The following VPS53 variants were observed in gnomAD, a reference collection of about 807,000 sequenced individuals.
The protein encoded by VPS53 is vacuolar protein sorting-associated protein 53 homolog.
A neutral mutation model predicts 107.0 loss-of-function variants in VPS53; 70 were observed. The ratio of observed to expected loss-of-function variants is 0.65; its 90% CI spans 0.54 to 0.80. VPS53 has a LOEUF of 0.80. Ranked by LOEUF, VPS53 falls within the 30% of genes least tolerant of loss-of-function variation. The pLI is 0.00. For synonymous variants in VPS53, 409 were observed against 393.3 expected (o/e 1.04, Z -0.47); for missense variants, 917 against 1,049.4 (o/e 0.87, Z 1.74).
intron 11 of VPS53, chr17:615,855 C>T (rs971274471): frequency 5.3e-5 from 8 of 152,238 alleles, no homozygotes; most frequent in Non-Finnish European, 1.2e-4. Flanking sequence ...AACTCCTGGC[C>T]TTGCCCAGGC....
At chr17:554,978 GAATAAGAGAGTTATTTAGTGAACA>G (rs1436724913) in intron 15 of VPS53, among the ~76,000 whole-genome samples, 3 of 152,146 alleles carry the variant, frequency 2.0e-5, no homozygotes, top group Non-Finnish European at 4.4e-5. Flanking sequence ...CTGTGTAACA[GAATAAGAGAGTTATTTAGTGAACA>G]AAACAGATCA....
rs1567594617 is a variant in VPS53 at position 519,780 on chromosome 17, G to A, written c.2328+46C>T. ...CCAATTCCCGGTTAAGAACCGCTGA[G>A]TGTGAGGGGGATGAGCAGGTGTGGA... On this transcript the variant is annotated intron_variant, in intron 21 of 21. Coordinates refer to ENST00000437048, the MANE Select transcript of VPS53 (RefSeq NM_001128159.3). The surrounding 1 kb of genome is among the most constrained non-coding windows in gnomAD (Gnocchi z 5.0). The A allele has an allele frequency of 7.3e-7, 1 of 1,363,904 alleles. No individual in the cohort carries two copies. The highest frequency in any genetic ancestry group is 1.2e-5 in the South Asian group (1 of 80,092). The allele number at this position is 1,363,904 out of a possible 1,614,324, so 84.5% of individuals were successfully genotyped here.
At chr17:534,489 G>T (rs1909864883) in intron 18 of VPS53, among the ~76,000 whole-genome samples, 3 of 152,210 alleles carry the variant, frequency 2.0e-5, no homozygotes, top group African/African-American at 4.8e-5. Flanking sequence ...GATCAGGAAG[G>T]AGAGTAAACA....
At chr17:662,237 CA>C (rs1245113566) in intron 4 of VPS53, among the ~76,000 whole-genome samples, 2 of 152,118 alleles carry the variant, frequency 1.3e-5, no homozygotes, top group Admixed American at 1.3e-4. Flanking sequence ...CACAGAGGGA[CA>C]GGGGTAGCTC....
intron 8 of VPS53, among the ~76,000 whole-genome samples, chr17:630,900 C>G (rs184174926): frequency 6.6e-6 from 1 of 152,146 alleles, no homozygotes; most frequent in Admixed American, 6.5e-5. Context: ...CTTTCCTGTC[C>G]GACACATGCT....
chr17:699,432 C>A, intron 2 of VPS53, 52 bp from the exon 3 acceptor site: 2 of 1,438,562 alleles, frequency 1.4e-6, no homozygotes, highest in Non-Finnish European at 9.3e-7. Flanking sequence ...CCTGGAATTC[C>A]TCTTTCACAG....
In VPS53 at chr17:576,753, G is replaced by A. The variant is rs146779622; in HGVS notation, c.1313+9517C>T. 5.4e-3 allele frequency among the ~76,000 whole-genome samples: 707 copies of A among 131,106 alleles called. 5 individuals are homozygous for A. The highest frequency in any genetic ancestry group is 8.8e-3 in the Admixed American group (115 of 13,044). The allele number at this position is 131,106 out of a possible 152,430, so 86.0% of individuals were successfully genotyped here. On this transcript the variant is annotated intron_variant, in intron 13 of 21. Transcript: ENST00000437048. ...CAGAACCTCCCTCAGAACCCAATAC[G>A]TGCCCAGAGAACCTCCCTCAGAACC... is the stretch of plus-strand genomic sequence containing the variant.
intron 4 of VPS53, among the ~76,000 whole-genome samples, chr17:667,745 G>A (rs542658373): frequency 6.6e-6 from 1 of 152,156 alleles, no homozygotes; most frequent in Admixed American, 6.5e-5. Flanking sequence ...CCAAGCCCTG[G>A]GCCGTGGGCC....
intron 11 of VPS53, among the ~76,000 whole-genome samples, chr17:609,027 G>C (rs188443430): frequency 2.6e-4 from 39 of 152,072 alleles, no homozygotes; most frequent in Non-Finnish European, 8.8e-5. Context: ...TGTAATTCAT[G>C]TCACATAAAA....
At chr17:672,390 T>C (rs1049258598) in intron 4 of VPS53, among the ~76,000 whole-genome samples, 2 of 151,884 alleles carry the variant, frequency 1.3e-5, no homozygotes, top group Admixed American at 6.6e-5. Flanking sequence ...ACCAAGAGAG[T>C]CTTGAATGAG....
intron 4 of VPS53, among the ~76,000 whole-genome samples, chr17:681,436 A>T (rs981926066): frequency 1.3e-5 from 2 of 152,176 alleles, no homozygotes; most frequent in South Asian, 4.1e-4. Flanking sequence ...CGCCCGGCCT[A>T]CAAAACAAAT....
At chr17:698,548 T>C (rs1205932245) in intron 3 of VPS53, among the ~76,000 whole-genome samples, 1 of 151,040 alleles carries the variant, frequency 6.6e-6, no homozygotes, top group Non-Finnish European at 1.5e-5. Context: ...CTACAAAAAA[T>C]ATAAACATTA....
intron 13 of VPS53, among the ~76,000 whole-genome samples, chr17:573,994 A>G (rs1276253940): frequency 6.6e-6 from 1 of 152,164 alleles, no homozygotes; most frequent in Admixed American, 6.5e-5. Context: ...CATGATATGG[A>G]TTTTTTTGAC....
In VPS53 at chr17:515,957, T is replaced by C. The variant is rs1908278708; in HGVS notation, c.*3171A>G. On this transcript the variant is annotated 3_prime_UTR_variant, in exon 22 of 22. Transcript: ENST00000437048. The stretch of plus-strand genomic sequence containing the variant: ...TTACAGGCACCCGCCACCTGCCTGC[T>C]TTTTTTTTTTTTTTTTTTGTATTTT... The C allele has an allele frequency of 2.4e-5, 1 of 40,912 alleles. No individual in the cohort carries two copies. Among genetic ancestry groups the C allele is most frequent in the Non-Finnish European group, 3.8e-5 (1 of 26,422 alleles). The allele number at this position is 40,912 out of a possible 1,614,324, so 2.5% of individuals were successfully genotyped here.
At chr17:671,418 A>T (rs1339891371) in intron 4 of VPS53, among the ~76,000 whole-genome samples, 1 of 152,176 alleles carries the variant, frequency 6.6e-6, no homozygotes, top group Non-Finnish European at 1.5e-5. Context: ...ATGAGTTACA[A>T]GCAAGGGATT....
chr17:546,896 A>G (rs1911250574), intron 17 of VPS53, among the ~76,000 whole-genome samples: 1 of 124,964 alleles, frequency 8.0e-6, no homozygotes, highest in Non-Finnish European at 1.6e-5. Flanking sequence ...TTTTTTTGAG[A>G]CAGAGTCTCC....
intron 2 of VPS53, among the ~76,000 whole-genome samples, chr17:708,412 T>C (rs1336432079): frequency 6.6e-6 from 1 of 152,208 alleles, no homozygotes; most frequent in African/African-American, 2.4e-5. Context: ...TCAAAGACTT[T>C]AACACTTTCA....
At chr17:572,458 A>AGGTG (rs1914248411) in intron 13 of VPS53, among the ~76,000 whole-genome samples, 3 of 76,702 alleles carry the variant, frequency 3.9e-5, no homozygotes, top group Admixed American at 1.4e-4. Flanking sequence ...CCGGGAGGTG[A>AGGTG]GGGGCGCCTC....
chr17:638,453 T>G (rs556285189), intron 7 of VPS53, among the ~76,000 whole-genome samples: 2 of 152,344 alleles, frequency 1.3e-5, no homozygotes, highest in South Asian at 4.1e-4. Context: ...TTTGATCCTG[T>G]CATTATAATG....
Sources: gnomAD v4.1 joint callset for allele counts (sites outside exome capture counted in the v4.1 genomes callset) on GRCh38, gnomAD v4.1.1 for gene constraint, Gnocchi (gnomAD v3.1) non-coding constraint, MANE v1.5 for transcripts, NCBI Gene and HGNC (gene_info 2026-07-23, HGNC 2026-07-21) for gene names.